Variants in BICRA observed in about 807,000 individuals in gnomAD.
BICRA encodes the protein BRD4 interacting chromatin remodeling complex associated protein.
In BICRA, 31 loss-of-function variants were observed where a neutral mutation model predicts 96.9. The observed-to-expected ratio is 0.32, with a 90% confidence interval of 0.24 to 0.43. The LOEUF (loss-of-function observed/expected upper bound fraction) is 0.43, where lower values mean the gene tolerates loss of function less well. Among genes scored for constraint, BICRA ranks in the 20% least tolerant of loss-of-function variants. BICRA has a pLI of 1.00. For synonymous variants in BICRA, 1,350 were observed against 1,071.8 expected, an observed-to-expected ratio of 1.26 and a Z score of -5.07; for missense variants, 2,283 against 2,190.3, an observed-to-expected ratio of 1.04 and a Z score of -0.84.
intron 1 of BICRA, among the ~76,000 whole-genome samples, chr19:47,631,276 G>A (rs1274513624): frequency 6.6e-6 from 1 of 152,024 alleles, no homozygotes; most frequent in Non-Finnish European, 1.5e-5. Flanking sequence ...CACCCAGGCT[G>A]GAGTGCAGTG....
chr19:47,696,605 GC>G, intron 11 of BICRA, 93 bp downstream of exon 11: 1 of 1,195,646 alleles, frequency 8.4e-7, no homozygotes, highest in South Asian at 1.4e-5. Flanking sequence ...AGTTGGGCAG[GC>G]CCAAGTGCCA....
chr19:47,626,717 GTTTTTT>G (rs35347398), intron 1 of BICRA, among the ~76,000 whole-genome samples: 3 of 101,252 alleles, frequency 3.0e-5, no homozygotes, highest in African/African-American at 1.2e-4. Context: ...TGCATCCTGG[GTTTTTT>G]TTTTTTTTTT....
chr19:47,701,411 C>CT lies in BICRA; in HGVS notation c.3680dup (p.Ser1228ValfsTer268). The stretch of plus-strand genomic sequence containing the variant: ...TCATCGGCTTCCCGGCCACGGCCCC[C>CT]TGTCGTCTTCAGCTCCCGGGGCCTC... On this transcript the variant is annotated frameshift_variant, in exon 15 of 15. Transcript: ENST00000594866. LOFTEE classifies it high-confidence loss of function. This position sits in a 1 kb window ranked among gnomAD's most constrained non-coding sequence, Gnocchi z 5.4. The CT allele has an allele frequency of 6.3e-7, 1 of 1,598,390 alleles. No homozygotes were observed. Among genetic ancestry groups the CT allele is most frequent in the Non-Finnish European group, 8.5e-7 (1 of 1,173,508 alleles).
chr19:47,695,053 C>T lies in BICRA; in HGVS notation c.3049C>T (p.Pro1017Ser), dbSNP rs769181885. The T allele has an allele frequency of 4.0e-6, 6 of 1,498,900 alleles. No individual in the cohort carries two copies. In the African/African-American group the frequency reaches 4.3e-5, roughly 11 times the overall value. 92.9% of individuals were successfully genotyped at this position (1,498,900 alleles called of 1,614,324 possible). ...SGTPTAPSHA[P>S]APAPMAATGL... ...GACCCCCACTGCCCCCAGCCACGCC[C>T]CCGCCCCGGCACCCATGGCCGCCAC... The change falls in exon 9 of 15, where the codon CCC becomes TCC. Residue 1017 changes from proline (P) to serine (S), a missense_variant. Pro to Ser is a moderately conservative substitution (Grantham distance 74). Coordinates refer to ENST00000594866, the MANE Select transcript of BICRA (RefSeq NM_001394372.1).
chr19:47,657,572 A>G (rs1972638448), intron 1 of BICRA, among the ~76,000 whole-genome samples: 1 of 151,568 alleles, frequency 6.6e-6, no homozygotes, highest in Non-Finnish European at 1.5e-5. Flanking sequence ...AATATTTTGT[A>G]TTTTTAGTAA....
chr19:47,673,830 G>C, intron 4 of BICRA, 68 bp downstream of exon 4: 1 of 1,298,836 alleles, frequency 7.7e-7, no homozygotes, highest in Non-Finnish European at 1.1e-6. Flanking sequence ...GAGGGACAGG[G>C]AGAGACATGT....
At chr19:47,626,446 T>C (rs56307697) in intron 1 of BICRA, 42,793 of 152,018 alleles carry the variant, frequency 0.28, 6,239 homozygotes, top group Non-Finnish European at 0.32. Context: ...TGGAGTGCAG[T>C]AGTGTGATCT....
In BICRA at chr19:47,679,830, C is replaced by A; in HGVS notation, c.660C>A (p.Gly220=). Residue 220 remains glycine (G), a synonymous_variant, in exon 6 of 15, where the codon GGC becomes GGA. Transcript: ENST00000594866. The stretch of plus-strand genomic sequence containing the variant: ...CGGGCCTCCAAGGCCTGCCCAATGG[C>A]AGCCCTGGGGGTGCCACGGCGGCCA... ...PIPGLQGLPN[G]SPGGATAATL... 1.3e-6 allele frequency: 2 copies of A among 1,487,172 alleles called. No individual in the cohort carries two copies. The highest frequency in any genetic ancestry group is 1.8e-6 in the Non-Finnish European group (2 of 1,123,304). 92.1% of individuals were successfully genotyped at this position (1,487,172 alleles called of 1,614,324 possible).
intron 1 of BICRA, among the ~76,000 whole-genome samples, chr19:47,657,013 C>G (rs1461280043): frequency 2.0e-5 from 3 of 152,030 alleles, no homozygotes; most frequent in Non-Finnish European, 4.4e-5. Flanking sequence ...AGGTGCCCAC[C>G]ACCACGCCCA....
chr19:47,697,774 G>A (rs1418040291), intron 11 of BICRA, among the ~76,000 whole-genome samples: 3 of 152,092 alleles, frequency 2.0e-5, no homozygotes, highest in South Asian at 2.1e-4. Context: ...CACCATGCCC[G>A]GCCTAGGTTG....
Position 47,673,897 on chromosome 19 carries a change from C to G in BICRA, c.84+135C>G, listed in dbSNP as rs565461921. Reference sequence around the variant, plus strand: ...CTTCTAACGCCAGGCACTGGAGTTACGGCCATGAGCAAAACTCATGGTAAT... The same window carrying G: ...CTTCTAACGCCAGGCACTGGAGTTAGGGCCATGAGCAAAACTCATGGTAAT... On this transcript the variant is annotated intron_variant, in intron 4 of 14. Coordinates refer to ENST00000594866, the MANE Select transcript of BICRA (RefSeq NM_001394372.1). 2.6e-5 allele frequency: 20 copies of G among 768,158 alleles called. No homozygotes were observed. The African/African-American group carries it at 3.2e-4, about 12-fold the overall frequency. The allele number at this position is 768,158 out of a possible 1,614,324, so 47.6% of individuals were successfully genotyped here.
At chr19:47,653,198 A>G (rs1404884040) in intron 1 of BICRA, among the ~76,000 whole-genome samples, 2 of 151,138 alleles carry the variant, frequency 1.3e-5, no homozygotes, top group Non-Finnish European at 2.9e-5. Context: ...TAATTTTTGT[A>G]TTTTAGTAGA....
chr19:47,702,488 T>A lies in BICRA; in HGVS notation c.*73T>A. 1.4e-6 allele frequency: 2 copies of A among 1,387,012 alleles called. 1 individual carries two copies. 85.9% of individuals were successfully genotyped at this position (1,387,012 alleles called of 1,614,324 possible). On this transcript the variant is annotated 3_prime_UTR_variant, in exon 15 of 15. Coordinates refer to ENST00000594866, the MANE Select transcript of BICRA (RefSeq NM_001394372.1). The stretch of plus-strand genomic sequence containing the variant: ...GACAGTCGGGTGTCCGCCCTCAGCC[T>A]CCTGGGGACTCGAGCCGGGGATCCC...
At position 47,701,839 on chromosome 19, in the gene BICRA, C is replaced by G. The variant is rs977718836; in HGVS notation, c.4107C>G (p.Ala1369=). ...GCACGGTGGACCACCCGCCGCCTGC[C>G]GCCCCCGAGCGCAAGCCCCTGGGCA... The part of the protein sequence containing the change: ...MNGTVDHPPP[A]APERKPLGTA... The change falls in exon 15 of 15, where the codon GCC becomes GCG. Residue 1369 remains alanine, a synonymous_variant. Coordinates refer to ENST00000594866, the MANE Select transcript of BICRA (RefSeq NM_001394372.1). The surrounding 1 kb of genome is among the most constrained non-coding windows in gnomAD (Gnocchi z 5.4). 1.3e-6 allele frequency: 2 copies of G among 1,518,426 alleles called. No individual in the cohort carries two copies. The highest frequency in any genetic ancestry group is 2.8e-5 in the African/African-American group (2 of 71,242). The allele number at this position is 1,518,426 out of a possible 1,614,324, so 94.1% of individuals were successfully genotyped here.
At chr19:47,651,061 C>T (rs1314109102) in intron 1 of BICRA, among the ~76,000 whole-genome samples, 1 of 152,128 alleles carries the variant, frequency 6.6e-6, no homozygotes, top group Non-Finnish European at 1.5e-5. Context: ...GCCTTGTCCC[C>T]TCCGCTGTCA....
At chr19:47,682,404 T>C (rs1973079250) in intron 7 of BICRA, among the ~76,000 whole-genome samples, 2 of 152,234 alleles carry the variant, frequency 1.3e-5, no homozygotes. Flanking sequence ...CCTAAAATTA[T>C]AATTTTCAAA....
chr19:47,629,870 G>A (rs895127984), intron 1 of BICRA, among the ~76,000 whole-genome samples: 12 of 152,066 alleles, frequency 7.9e-5, no homozygotes, highest in East Asian at 1.9e-4. Flanking sequence ...GTTGGCCAGC[G>A]TGGTCTCTAA....
intron 1 of BICRA, among the ~76,000 whole-genome samples, chr19:47,610,610 C>CA (rs1295747634): frequency 1.3e-4 from 3 of 22,274 alleles, no homozygotes; most frequent in Admixed American, 4.7e-4. Context: ...CTTTTGTCAC[C>CA]CCCCCCCCAC....
chr19:47,661,610 T>C (rs1258675504), intron 1 of BICRA: 1 of 152,042 alleles, frequency 6.6e-6, no homozygotes, highest in Admixed American at 6.6e-5. Context: ...AGTATTTTAA[T>C]GGCAGGAGCA....
Sources: allele counts gnomAD v4.1 joint callset (sites outside exome capture counted in the v4.1 genomes callset), GRCh38; gene constraint gnomAD v4.1.1; non-coding constraint Gnocchi (gnomAD v3.1); transcripts MANE v1.5; gene names NCBI Gene and HGNC (gene_info 2026-07-23, HGNC 2026-07-21).